The following CCSER1 variants were observed in gnomAD, a reference collection of about 807,000 sequenced individuals.
CCSER1 encodes serine-rich coiled-coil domain-containing protein 1.
Under a neutral mutation model 82.0 loss-of-function variants are expected in CCSER1, and 41 were observed. That is an observed-to-expected ratio of 0.50 (90% CI 0.39 to 0.65). The LOEUF (loss-of-function observed/expected upper bound fraction) is 0.65. Ranked by LOEUF, CCSER1 falls within the 30% of genes least tolerant of loss-of-function variation. The probability of loss-of-function intolerance (pLI) is 0.00; values close to 1 mark genes in which losing one functional copy is unlikely to be tolerated. For missense variants in CCSER1, 1,119 were observed against 1,064.2 expected (o/e 1.05, Z -0.72); for synonymous variants, 414 against 383.9 (o/e 1.08, Z -0.92).
chr4:90,536,982 G>A (rs1223451070), intron 5 of CCSER1, among the ~76,000 whole-genome samples: 1 of 152,142 alleles, frequency 6.6e-6, no homozygotes, highest in Non-Finnish European at 1.5e-5. Context: ...TGAAAAGCCT[G>A]CTGCTAATCT....
intron 10 of CCSER1, among the ~76,000 whole-genome samples, chr4:91,271,464 A>C (rs1742017627): frequency 2.0e-5 from 3 of 151,996 alleles, no homozygotes; most frequent in Admixed American, 2.0e-4. Context: ...TGTCATTCTT[A>C]TGCCTTTGCA....
chr4:90,312,890 G>C lies in CCSER1; in HGVS notation c.1352G>C (p.Arg451Pro). The change falls in exon 3 of 11, where the codon CGT becomes CCT. Residue 451 changes from arginine (R) to proline (P), a missense_variant. By Grantham distance (103) the Arg-to-Pro change is moderately radical (BLOSUM62 -2). Transcript: ENST00000509176. Reference protein sequence around the residue: ...KVLASSLSPFREGRFIERRLR... With the variant: ...KVLASSLSPFPEGRFIERRLR... The stretch of plus-strand genomic sequence containing the variant: ...CTTGCCAGTAGTCTCAGTCCATTTC[G>C]TGAAGGAAGATTTATAGAGAGGAGA... 6.4e-7 allele frequency: 1 copy of C among 1,574,752 alleles called. No individual in the cohort carries two copies. Among genetic ancestry groups the C allele is most frequent in the East Asian group, 2.3e-5 (1 of 43,226 alleles).
chr4:90,906,546 TG>T (rs1312618465), intron 8 of CCSER1, among the ~76,000 whole-genome samples: 1 of 152,054 alleles, frequency 6.6e-6, no homozygotes, highest in Non-Finnish European at 1.5e-5. Flanking sequence ...TTATACACAT[TG>T]AAATTAAATC....
chr4:90,963,272 T>A (rs1435265203), intron 9 of CCSER1, among the ~76,000 whole-genome samples: 2 of 152,286 alleles, frequency 1.3e-5, no homozygotes, highest in Admixed American at 6.5e-5. Flanking sequence ...TCCGAGGATG[T>A]GATCTAACAG....
At chr4:91,320,372 A>G (rs553878191) in intron 10 of CCSER1, among the ~76,000 whole-genome samples, 1 of 152,196 alleles carries the variant, frequency 6.6e-6, no homozygotes, top group South Asian at 2.1e-4. Flanking sequence ...CGACTACTGT[A>G]TATGGCTGAG....
chr4:91,194,630 C>G (rs1316296132), intron 10 of CCSER1, among the ~76,000 whole-genome samples: 1 of 152,048 alleles, frequency 6.6e-6, no homozygotes, highest in Non-Finnish European at 1.5e-5. Flanking sequence ...CACCAACATT[C>G]CAAGTTTCCT....
chr4:90,722,131 T>C (rs964388380), intron 6 of CCSER1, among the ~76,000 whole-genome samples: 2 of 151,792 alleles, frequency 1.3e-5, no homozygotes, highest in Non-Finnish European at 3.0e-5. Context: ...CATGTTCTTA[T>C]AAAAATTAAA....
At chr4:90,785,960 T>G (rs898199830) in intron 7 of CCSER1, among the ~76,000 whole-genome samples, 1 of 152,230 alleles carries the variant, frequency 6.6e-6, no homozygotes, top group Non-Finnish European at 1.5e-5. Flanking sequence ...TTTGTGGAGC[T>G]GAGAGGTACT....
chr4:90,465,022 G>A, intron 4 of CCSER1, among the ~76,000 whole-genome samples: 1 of 152,204 alleles, frequency 6.6e-6, no homozygotes, highest in Admixed American at 6.5e-5. Context: ...AGAGTGCAGT[G>A]GTGTGATCTC....
intron 8 of CCSER1, among the ~76,000 whole-genome samples, chr4:90,893,937 C>T (rs1477263958): frequency 3.3e-5 from 5 of 151,890 alleles, no homozygotes; most frequent in Non-Finnish European, 7.4e-5. Flanking sequence ...GTTTTACATA[C>T]ACTGACTTTA....
chr4:90,981,060 G>A (rs1736069381), intron 9 of CCSER1, among the ~76,000 whole-genome samples: 1 of 151,762 alleles, frequency 6.6e-6, no homozygotes, highest in Admixed American at 6.6e-5. Context: ...TCTAGGGAAA[G>A]CCCTCAAACA....
chr4:91,582,505 A>G (rs1763780589), intron 10 of CCSER1, among the ~76,000 whole-genome samples: 1 of 151,608 alleles, frequency 6.6e-6, no homozygotes, highest in South Asian at 2.1e-4. Flanking sequence ...TTTGTATAAT[A>G]AACTCAAGGA....
chr4:91,471,136 A>G (rs1423758040), intron 10 of CCSER1, among the ~76,000 whole-genome samples: 1 of 152,178 alleles, frequency 6.6e-6, no homozygotes, highest in Non-Finnish European at 1.5e-5. Context: ...CAGTTCAACA[A>G]TATTTGCTTC....
intron 10 of CCSER1, among the ~76,000 whole-genome samples, chr4:91,096,214 C>T (rs189819325): frequency 5.9e-5 from 9 of 152,266 alleles, no homozygotes; most frequent in Admixed American, 2.0e-4. Context: ...GTAAATGGGC[C>T]GCCAAGGGAG....
At chr4:90,300,528 G>A (rs76026325) in intron 1 of CCSER1, among the ~76,000 whole-genome samples, 4,806 of 152,104 alleles carry the variant, frequency 0.032, 244 homozygotes, top group African/African-American at 0.1. Context: ...GCATGTGTGC[G>A]TAAAAAGTAA....
intron 5 of CCSER1, among the ~76,000 whole-genome samples, chr4:90,525,325 T>G (rs1773619370): frequency 6.6e-6 from 1 of 152,098 alleles, no homozygotes; most frequent in Non-Finnish European, 1.5e-5. Context: ...CCAAATGCCT[T>G]GGAGAATATT....
intron 10 of CCSER1, among the ~76,000 whole-genome samples, chr4:91,115,042 C>A (rs1310295208): frequency 6.6e-6 from 1 of 151,852 alleles, no homozygotes; most frequent in Non-Finnish European, 1.5e-5. Context: ...TAATATATTT[C>A]CAGTTTATTT....
chr4:90,300,851 G>A (rs1732951207), intron 1 of CCSER1, among the ~76,000 whole-genome samples: 4 of 151,976 alleles, frequency 2.6e-5, no homozygotes, highest in Admixed American at 2.0e-4. Context: ...TTTGAGACAG[G>A]GTCTCGCTCT....
chr4:90,781,576 T>C, intron 7 of CCSER1: 1 of 978,374 alleles, frequency 1.0e-6, no homozygotes, highest in Non-Finnish European at 1.2e-6. Flanking sequence ...AGTTAAATTG[T>C]TGTGACTTTC....
Sources: allele counts gnomAD v4.1 joint callset (sites outside exome capture counted in the v4.1 genomes callset), GRCh38; gene constraint gnomAD v4.1.1; transcripts MANE v1.5; gene names NCBI Gene and HGNC (gene_info 2026-07-23, HGNC 2026-07-21).